Variants in PDE11A observed in about 807,000 individuals in gnomAD.
The protein encoded by PDE11A is phosphodiesterase 11A, also known as dual 3',5'-cyclic-AMP and -GMP phosphodiesterase 11A.
PDE11A carries 100 observed loss-of-function variants against 100.5 expected under a neutral mutation model. That is an observed-to-expected ratio of 1.00 (90% CI 0.85 to 1.18). The LOEUF (loss-of-function observed/expected upper bound fraction) is 1.18, where lower values mean the gene tolerates loss of function less well. PDE11A is among the 50% of genes most tolerant of loss of function. The probability of loss-of-function intolerance (pLI) is 0.00; values close to 1 mark genes in which losing one functional copy is unlikely to be tolerated. For synonymous variants in PDE11A, 381 were observed against 420.8 expected (o/e 0.91, Z 1.16); for missense variants, 1,141 against 1,152.6 (o/e 0.99, Z 0.15).
rs544107848 is a variant in PDE11A at position 178,025,002 on chromosome 2, G to A, written c.913-10542C>T. ...TGAGATTACACTGCATAAAAACAAAGACACAGCATGTGGCAACTACATAGC... is the reference window on the plus strand; with the variant it reads ...TGAGATTACACTGCATAAAAACAAAAACACAGCATGTGGCAACTACATAGC... On this transcript the variant is annotated intron_variant, in intron 1 of 19. Coordinates refer to ENST00000286063, the MANE Select transcript of PDE11A (RefSeq NM_016953.4). Among the ~76,000 whole-genome samples the A allele has an allele frequency of 2.6e-5, 4 of 152,298 alleles. No homozygotes were observed. In the South Asian group the frequency reaches 8.3e-4, roughly 32 times the overall value.
intron 9 of PDE11A, among the ~76,000 whole-genome samples, chr2:177,795,959 A>C: frequency 7.9e-6 from 1 of 125,910 alleles, no homozygotes; most frequent in African/African-American, 3.5e-5. Context: ...ATATATATAT[A>C]TATATATATA....
At chr2:177,797,870 A>T (rs1204429710) in intron 9 of PDE11A, among the ~76,000 whole-genome samples, 1 of 152,246 alleles carries the variant, frequency 6.6e-6, no homozygotes, top group East Asian at 1.9e-4. Context: ...TTATCTTCTC[A>T]GCTGCCAACA....
intron 10 of PDE11A, among the ~76,000 whole-genome samples, chr2:177,761,872 A>G (rs1475450041): frequency 6.6e-6 from 1 of 152,232 alleles, no homozygotes; most frequent in Non-Finnish European, 1.5e-5. Context: ...TTAATGTCCA[A>G]TTAAATAATT....
chr2:177,835,697 G>A (rs2083385893), intron 6 of PDE11A, among the ~76,000 whole-genome samples: 1 of 152,160 alleles, frequency 6.6e-6, no homozygotes, highest in Admixed American at 6.5e-5. Context: ...GGGAACTGGG[G>A]CTGCGCATGG....
intron 2 of PDE11A, among the ~76,000 whole-genome samples, chr2:177,956,733 A>G (rs903202991): frequency 2.0e-5 from 3 of 152,252 alleles, no homozygotes; most frequent in South Asian, 2.1e-4. Flanking sequence ...TGCAGCCATA[A>G]AAAATGATGA....
chr2:177,785,526 C>G (rs970527583), intron 9 of PDE11A, among the ~76,000 whole-genome samples: 2 of 152,252 alleles, frequency 1.3e-5, no homozygotes, highest in East Asian at 3.9e-4. Context: ...GAGTGCCAGA[C>G]AGTGGGTGCA....
intron 2 of PDE11A, chr2:177,922,936 T>A (rs1409112877): frequency 1.3e-5 from 6 of 451,776 alleles, no homozygotes; most frequent in Non-Finnish European, 1.8e-5. Context: ...CCTTCTTGCC[T>A]ACTTTGTGCA....
rs1558974124 is a variant in PDE11A, at chr2:177,853,714, T to TGTGTGTGTTTGTG, written c.1368-13332_1368-13331insCACAAACACACAC. Among the ~76,000 whole-genome samples the TGTGTGTGTTTGTG allele has an allele frequency of 1.9e-3, 31 of 16,276 alleles. 1 individual carries two copies. The highest frequency in any genetic ancestry group is 4.9e-3 in the African/African-American group (29 of 5,880). 10.7% of individuals were successfully genotyped at this position (16,276 alleles called of 152,430 possible). ...TGTGTGTGTGTGTGTGTGTGTGTGT[T>TGTGTGTGTTTGTG]TGTGTGTGTGTGTGTGTATATCTAT... On this transcript the variant is annotated intron_variant, in intron 5 of 19. Coordinates refer to ENST00000286063, the MANE Select transcript of PDE11A (RefSeq NM_016953.4).
chr2:177,635,072 C>T (rs532391300), intron 19 of PDE11A, among the ~76,000 whole-genome samples: 1 of 152,184 alleles, frequency 6.6e-6, no homozygotes, highest in Non-Finnish European at 1.5e-5. Flanking sequence ...ACACAGCTAC[C>T]GTTGAAACCC....
At chr2:177,901,093 T>A (rs2084687894) in intron 3 of PDE11A, among the ~76,000 whole-genome samples, 1 of 152,148 alleles carries the variant, frequency 6.6e-6, no homozygotes, top group South Asian at 2.1e-4. Flanking sequence ...ACTAACAAAT[T>A]AGCCACAAGA....
chr2:177,773,649 T>A (rs1402947601), intron 9 of PDE11A, among the ~76,000 whole-genome samples: 1 of 152,202 alleles, frequency 6.6e-6, no homozygotes, highest in African/African-American at 2.4e-5. Context: ...TGGTTTACCT[T>A]CTGGATCTTC....
At chr2:177,809,338 A>G (rs1212686515) in intron 9 of PDE11A, among the ~76,000 whole-genome samples, 1 of 152,178 alleles carries the variant, frequency 6.6e-6, no homozygotes. Flanking sequence ...CACCAAGAGG[A>G]CTGCCTAGAG....
chr2:177,653,749 C>A (rs544028342), intron 19 of PDE11A, among the ~76,000 whole-genome samples: 1 of 152,296 alleles, frequency 6.6e-6, no homozygotes, highest in South Asian at 2.1e-4. Context: ...CAAGGAACCA[C>A]CCCTGCTGAC....
intron 4 of PDE11A, among the ~76,000 whole-genome samples, chr2:177,892,404 C>T (rs1457660608): frequency 1.3e-5 from 2 of 152,082 alleles, no homozygotes; most frequent in Admixed American, 1.3e-4. Flanking sequence ...TACAAGATAA[C>T]TAATTAGAGA....
intron 12 of PDE11A, among the ~76,000 whole-genome samples, chr2:177,712,342 C>CTTTTT (rs35906687): frequency 4.3e-5 from 6 of 139,812 alleles, no homozygotes; most frequent in East Asian, 2.1e-4. Flanking sequence ...CACAACCCTT[C>CTTTTT]TTTTTTTTTT....
intron 19 of PDE11A, among the ~76,000 whole-genome samples, chr2:177,639,112 T>C (rs1477421343): frequency 6.6e-6 from 1 of 152,192 alleles, no homozygotes; most frequent in Non-Finnish European, 1.5e-5. Flanking sequence ...CCCCTGCCTG[T>C]GCCGTGGCCT....
Position 177,629,420 on chromosome 2 carries a change from T to C in PDE11A, c.2789A>G (p.Glu930Gly). The C allele has an allele frequency of 4.3e-6, 7 of 1,611,434 alleles. No individual in the cohort carries two copies. The highest frequency in any genetic ancestry group is 5.9e-6 in the Non-Finnish European group (7 of 1,179,352). The part of the protein sequence containing the change: ...SSPASVMVAK[E>G]DRN ...TGACCTGGAGGTTTAGTTCCTGTCT[T>C]CCTTGGCTACCATAACACTGGCAGG... Residue 930 changes from glutamate (E) to glycine (G), a missense_variant, in exon 20 of 20, where the codon GAA becomes GGA. By Grantham distance (98) the Glu-to-Gly change is moderately conservative (BLOSUM62 -2). Transcript: ENST00000286063.
intron 5 of PDE11A, among the ~76,000 whole-genome samples, chr2:177,864,758 T>C (rs958886523): frequency 1.3e-5 from 2 of 152,174 alleles, no homozygotes; most frequent in African/African-American, 2.4e-5. Context: ...GAACTATGTT[T>C]TGGGGTGACT....
chr2:178,080,693 A>AAATTTTTTATAT (rs2087274500), intron 2 of PDE11A, among the ~76,000 whole-genome samples: 1 of 152,160 alleles, frequency 6.6e-6, no homozygotes, highest in African/African-American at 2.4e-5. Context: ...AAAATTTTAT[A>AAATTTTTTATAT]AAATTAGAAT....
Sources: allele counts gnomAD v4.1 joint callset (sites outside exome capture counted in the v4.1 genomes callset), GRCh38; gene constraint gnomAD v4.1.1; transcripts MANE v1.5; gene names NCBI Gene and HGNC (gene_info 2026-07-23, HGNC 2026-07-21).